PDZRN4: variants seen among roughly 807,000 people sequenced by gnomAD.
PDZRN4 encodes the protein PDZ domain containing ring finger 4.
Under a neutral mutation model 99.0 loss-of-function variants are expected in PDZRN4, and 70 were observed. The ratio of observed to expected loss-of-function variants is 0.71; its 90% CI spans 0.58 to 0.86. PDZRN4 has a LOEUF of 0.86. Ranked by LOEUF, PDZRN4 falls within the 40% of genes least tolerant of loss-of-function variation. The pLI, the probability that PDZRN4 is intolerant of heterozygous loss-of-function variation, is 0.00. For synonymous variants in PDZRN4, 551 were observed against 501.6 expected, an observed-to-expected ratio of 1.10 and a Z score of -1.32; for missense variants, 1,474 against 1,331.2, an observed-to-expected ratio of 1.11 and a Z score of -1.67.
At chr12:41,359,990 T>C (rs756706607) in intron 3 of PDZRN4, among the ~76,000 whole-genome samples, 2 of 151,978 alleles carry the variant, frequency 1.3e-5, no homozygotes, top group African/African-American at 2.4e-5. Context: ...AACATATGCC[T>C]GCACACTCTT....
intron 3 of PDZRN4, among the ~76,000 whole-genome samples, chr12:41,437,489 AAC>A (rs1464563470): frequency 1.3e-5 from 2 of 151,812 alleles, no homozygotes; most frequent in Non-Finnish European, 1.5e-5. Flanking sequence ...ATCCTTAATA[AAC>A]AGAGATGGTA....
intron 3 of PDZRN4, among the ~76,000 whole-genome samples, chr12:41,227,904 CA>C (rs1566375549): frequency 2.0e-5 from 3 of 151,370 alleles, no homozygotes; most frequent in Non-Finnish European, 1.5e-5. Context: ...CACACACACA[CA>C]CACACACACA....
At chr12:41,205,184 C>A (rs149042300) in intron 3 of PDZRN4, among the ~76,000 whole-genome samples, 145 of 151,910 alleles carry the variant, frequency 9.5e-4, no homozygotes, top group African/African-American at 3.3e-3. Context: ...ATAAATGATT[C>A]TAAATTCTTG....
chr12:41,273,250 T>C (rs1951327344), intron 3 of PDZRN4, among the ~76,000 whole-genome samples: 2 of 151,888 alleles, frequency 1.3e-5, no homozygotes, highest in African/African-American at 4.8e-5. Context: ...AAGAAGGAAA[T>C]AGACATAGAA....
At chr12:41,244,144 C>T (rs551109857) in intron 3 of PDZRN4, among the ~76,000 whole-genome samples, 1 of 152,160 alleles carries the variant, frequency 6.6e-6, no homozygotes, top group East Asian at 1.9e-4. Flanking sequence ...CCAATTCCTG[C>T]CCCCAAAATA....
At chr12:41,448,592 A>AATTG (rs1247313021) in intron 3 of PDZRN4, among the ~76,000 whole-genome samples, 10 of 152,192 alleles carry the variant, frequency 6.6e-5, no homozygotes, top group Non-Finnish European at 1.5e-5. Context: ...AATTGAGTCA[A>AATTG]AGAATAGGAG....
At chr12:41,215,480 C>T (rs1027574804) in intron 3 of PDZRN4, among the ~76,000 whole-genome samples, 11 of 151,830 alleles carry the variant, frequency 7.2e-5, no homozygotes, top group Non-Finnish European at 1.3e-4. Flanking sequence ...TAAATTATCA[C>T]GAGTGATATG....
chr12:41,240,767 G>A (rs1951096885), intron 3 of PDZRN4, among the ~76,000 whole-genome samples: 1 of 152,102 alleles, frequency 6.6e-6, no homozygotes, highest in Non-Finnish European at 1.5e-5. Flanking sequence ...CTAACTCTCT[G>A]GGATCTCTTT....
intron 3 of PDZRN4, among the ~76,000 whole-genome samples, chr12:41,237,195 G>A (rs79061956): frequency 0.011 from 1,713 of 152,160 alleles, 32 homozygotes; most frequent in African/African-American, 0.039. Flanking sequence ...GGAAAAATGG[G>A]AATCTAGAGT....
At chr12:41,388,366 C>A (rs1055999747) in intron 3 of PDZRN4, among the ~76,000 whole-genome samples, 7 of 148,402 alleles carry the variant, frequency 4.7e-5, no homozygotes, top group African/African-American at 1.8e-4. Context: ...ACACATGTAC[C>A]TCTGAGCTTA....
chr12:41,498,220 G>A (rs757897937), intron 3 of PDZRN4, among the ~76,000 whole-genome samples: 33 of 151,894 alleles, frequency 2.2e-4, no homozygotes, highest in Non-Finnish European at 3.8e-4. Flanking sequence ...GATAAGATAG[G>A]CTGAAAAGGA....
chr12:41,353,086 G>A lies in PDZRN4; in HGVS notation c.844-153370G>A, dbSNP rs370359285. ...GCATTTCATCTAGAATGGAAGAAAT[G>A]TTTGTTAATTAGGCACTTCTATTTG... On this transcript the variant is annotated intron_variant, in intron 3 of 9. Coordinates refer to ENST00000402685, the MANE Select transcript of PDZRN4 (RefSeq NM_001164595.2). 2.5e-4 allele frequency among the ~76,000 whole-genome samples: 38 copies of A among 152,116 alleles called. No individual in the cohort carries two copies. In the South Asian group the frequency reaches 5.6e-3, roughly 22 times the overall value.
At chr12:41,278,747 A>G (rs1222387720) in intron 3 of PDZRN4, among the ~76,000 whole-genome samples, 1 of 152,190 alleles carries the variant, frequency 6.6e-6, no homozygotes, top group East Asian at 1.9e-4. Context: ...CTACATCACA[A>G]CAACTGTTCC....
intron 5 of PDZRN4, 144 bp from the exon 6 acceptor site, chr12:41,552,512 G>GT (rs1309529174): frequency 8.5e-6 from 4 of 468,672 alleles, no homozygotes; most frequent in Non-Finnish European, 1.5e-5. Context: ...AATAATATTG[G>GT]TAAAAAAAAA....
At chr12:41,339,813 T>A (rs1411166919) in intron 3 of PDZRN4, among the ~76,000 whole-genome samples, 3 of 152,044 alleles carry the variant, frequency 2.0e-5, no homozygotes, top group African/African-American at 7.2e-5. Context: ...CAATCATGTA[T>A]ATGAAAAGAA....
At chr12:41,313,298 C>A (rs1951619050) in intron 3 of PDZRN4, among the ~76,000 whole-genome samples, 1 of 152,192 alleles carries the variant, frequency 6.6e-6, no homozygotes, top group Non-Finnish European at 1.5e-5. Flanking sequence ...CTTTCCCACT[C>A]CACTTTTTCA....
At chr12:41,324,017 A>G (rs1951695346) in intron 3 of PDZRN4, among the ~76,000 whole-genome samples, 1 of 152,064 alleles carries the variant, frequency 6.6e-6, no homozygotes, top group Non-Finnish European at 1.5e-5. Context: ...TAAGACATTC[A>G]TAGTCTTATA....
intron 3 of PDZRN4, among the ~76,000 whole-genome samples, chr12:41,385,762 T>A (rs1237596310): frequency 6.6e-6 from 1 of 152,000 alleles, no homozygotes; most frequent in African/African-American, 2.4e-5. Context: ...GTTGGTACCA[T>A]CCCTGCTATT....
chr12:41,224,717 A>G (rs1274872317), intron 3 of PDZRN4, among the ~76,000 whole-genome samples: 2 of 152,216 alleles, frequency 1.3e-5, no homozygotes, highest in Non-Finnish European at 1.5e-5. Context: ...AGATGGGACA[A>G]GAAGTCAAAA....
Sources: gnomAD v4.1 joint callset for allele counts (sites outside exome capture counted in the v4.1 genomes callset) on GRCh38, gnomAD v4.1.1 for gene constraint, MANE v1.5 for transcripts, NCBI Gene and HGNC (gene_info 2026-07-23, HGNC 2026-07-21) for gene names.